The following AXDND1 variants were observed in gnomAD, a reference collection of about 807,000 sequenced individuals.
AXDND1 encodes the protein axonemal dynein light chain domain-containing protein 1.
A neutral mutation model predicts 137.5 loss-of-function variants in AXDND1; 110 were observed. The ratio of observed to expected loss-of-function variants is 0.80; its 90% CI spans 0.69 to 0.94. AXDND1 has a LOEUF of 0.94. Among genes scored for constraint, AXDND1 ranks in the 40% least tolerant of loss-of-function variants. AXDND1 has a pLI of 0.00. For missense variants in AXDND1, 1,191 were observed against 1,169.8 expected (o/e 1.02, Z -0.26); for synonymous variants, 414 against 399.7 (o/e 1.04, Z -0.43).
chr1:179,502,563 A>T (rs1032487101), intron 20 of AXDND1, among the ~76,000 whole-genome samples: 1 of 28,040 alleles, frequency 3.6e-5, no homozygotes, highest in African/African-American at 1.5e-4. Flanking sequence ...AACTCTGTCT[A>T]AAAAAAAAAA....
intron 18 of AXDND1, 46 bp from the exon 19 acceptor site, chr1:179,491,492 G>T: frequency 7.7e-7 from 1 of 1,300,704 alleles, no homozygotes; most frequent in East Asian, 2.4e-5. Flanking sequence ...TTTACTGTTT[G>T]ATTTATTTAA....
At chr1:179,537,435 C>T (rs776286749) in intron 25 of AXDND1, among the ~76,000 whole-genome samples, 8 of 152,144 alleles carry the variant, frequency 5.3e-5, no homozygotes, top group Non-Finnish European at 1.2e-4. Flanking sequence ...GCCTTTTCTG[C>T]ATCTATTGAG....
chr1:179,411,006 G>A, intron 11 of AXDND1, 140 bp from the exon 12 acceptor site: 2 of 602,826 alleles, frequency 3.3e-6, no homozygotes, highest in South Asian at 2.8e-5. Context: ...AATATATTCA[G>A]CAATTATACC....
Position 179,533,853 on chromosome 1 carries a change from T to C in AXDND1, c.2774T>C (p.Ile925Thr), listed in dbSNP as rs201462871. 14 of 1,613,252 alleles carry C rather than the reference T, an allele frequency of 8.7e-6. No individual in the cohort carries two copies. The East Asian group carries it at 2.0e-4, about 23-fold the overall frequency. The part of the protein sequence containing the change: ...AQKYLEAMAV[I>T]EHMQEKLLEV... ...AAATATCTTGAAGCAATGGCTGTAA[T>C]TGAACATATGCAGGAGAAGTTACTG... Residue 925 changes from isoleucine to threonine, a missense_variant, in exon 24 of 26, where the codon ATT becomes ACT. Physicochemically the swap from Ile to Thr is moderately conservative, Grantham distance 89. Transcript: ENST00000367618.
At chr1:179,534,579 T>G in intron 24 of AXDND1, 151 bp from the exon 25 acceptor site, 10 of 945,794 alleles carry the variant, frequency 1.1e-5, no homozygotes, top group African/African-American at 1.7e-5. Flanking sequence ...GGGCCCCCAG[T>G]TCTCAGTTAA....
intron 14 of AXDND1, among the ~76,000 whole-genome samples, chr1:179,431,841 TG>T (rs982917635): frequency 6.6e-6 from 1 of 152,184 alleles, no homozygotes; most frequent in Non-Finnish European, 1.5e-5. Flanking sequence ...TTTCACCTTG[TG>T]AGACTTCAGA....
intron 17 of AXDND1, among the ~76,000 whole-genome samples, chr1:179,473,839 C>A (rs888752133): frequency 6.6e-6 from 1 of 152,192 alleles, no homozygotes; most frequent in South Asian, 2.1e-4. Context: ...TCTTTCTCCC[C>A]TTCTGCCATG....
chr1:179,407,541 G>C (rs1254152129), intron 11 of AXDND1, among the ~76,000 whole-genome samples: 2 of 151,942 alleles, frequency 1.3e-5, no homozygotes, highest in African/African-American at 2.4e-5. Flanking sequence ...TTTCCTTTCA[G>C]CATTTTGAAT....
chr1:179,525,548 G>T, intron 22 of AXDND1, 101 bp downstream of exon 22: 2 of 1,358,574 alleles, frequency 1.5e-6, no homozygotes, highest in Non-Finnish European at 9.7e-7. Context: ...CCAGGTTGGA[G>T]TGCTGTGGTA....
At chr1:179,405,916 T>C (rs1353284732) in intron 11 of AXDND1, among the ~76,000 whole-genome samples, 2 of 152,092 alleles carry the variant, frequency 1.3e-5, no homozygotes, top group African/African-American at 4.8e-5. Flanking sequence ...TTTTGGGTTT[T>C]GTTTTTTCTC....
intron 16 of AXDND1, chr1:179,449,660 A>G (rs1302491724): frequency 6.6e-6 from 1 of 152,000 alleles, no homozygotes; most frequent in Non-Finnish European, 1.5e-5. Flanking sequence ...TTTTTTTTCA[A>G]TTATTTAGAT....
intron 12 of AXDND1, among the ~76,000 whole-genome samples, chr1:179,412,619 T>C (rs1448118086): frequency 6.6e-6 from 1 of 152,148 alleles, no homozygotes; most frequent in Admixed American, 6.6e-5. Context: ...GAGGTAATTA[T>C]TAGAAATCTA....
chr1:179,444,240 G>A (rs926217405), intron 15 of AXDND1, among the ~76,000 whole-genome samples: 4 of 152,022 alleles, frequency 2.6e-5, no homozygotes, highest in Admixed American at 6.6e-5. Flanking sequence ...GCCCTATGAT[G>A]CAAGTCTTAT....
rs368184663 is a variant in AXDND1, at chr1:179,415,827, C to T, written c.1230+4561C>T. The stretch of plus-strand genomic sequence containing the variant: ...TCGTGCCATTCTCCTGCCTCAGCCT[C>T]CCGAGTAGCAGGGTACATCTTATAA... On this transcript the variant is annotated intron_variant, in intron 12 of 25. Coordinates refer to ENST00000367618, the MANE Select transcript of AXDND1 (RefSeq NM_144696.6). Among the ~76,000 whole-genome samples, 13 of 152,178 alleles carry T rather than the reference C, an allele frequency of 8.5e-5. 1 individual carries two copies. The East Asian group carries it at 2.5e-3, about 29-fold the overall frequency.
chr1:179,434,776 C>T (rs1256134176), intron 15 of AXDND1, among the ~76,000 whole-genome samples: 1 of 151,942 alleles, frequency 6.6e-6, no homozygotes, highest in Non-Finnish European at 1.5e-5. Flanking sequence ...GGAAGCATTC[C>T]CTTTGAAAAG....
At chr1:179,466,651 A>G (rs1663239615) in intron 16 of AXDND1, among the ~76,000 whole-genome samples, 1 of 152,000 alleles carries the variant, frequency 6.6e-6, no homozygotes, top group South Asian at 2.1e-4. Flanking sequence ...ATGTCTGGTG[A>G]TTGGATAATA....
intron 20 of AXDND1, chr1:179,507,069 G>A (rs1442442047): frequency 4.8e-6 from 1 of 206,454 alleles, no homozygotes; most frequent in African/African-American, 2.4e-5. Context: ...TGCTACAATA[G>A]GCTTAACATT....
At chr1:179,538,135 T>C (rs947899966) in intron 25 of AXDND1, among the ~76,000 whole-genome samples, 2 of 152,072 alleles carry the variant, frequency 1.3e-5, no homozygotes, top group Non-Finnish European at 2.9e-5. Context: ...AATCTTTTCA[T>C]GAAACCAGCT....
intron 20 of AXDND1, among the ~76,000 whole-genome samples, chr1:179,500,703 G>C (rs1238145736): frequency 3.9e-5 from 6 of 152,076 alleles, no homozygotes; most frequent in Non-Finnish European, 8.8e-5. Context: ...GACAGAATCT[G>C]GCTCTGTTGC....
Sources: allele counts gnomAD v4.1 joint callset (sites outside exome capture counted in the v4.1 genomes callset), GRCh38; gene constraint gnomAD v4.1.1; transcripts MANE v1.5; gene names NCBI Gene and HGNC (gene_info 2026-07-23, HGNC 2026-07-21).